Variants in PLXDC2 observed in about 807,000 individuals in gnomAD.
The protein encoded by PLXDC2 is plexin domain-containing protein 2.
PLXDC2 carries 40 observed loss-of-function variants against 68.9 expected under a neutral mutation model. That is an observed-to-expected ratio of 0.58 (90% CI 0.45 to 0.76). The LOEUF is 0.76. Among genes scored for constraint, PLXDC2 ranks in the 30% least tolerant of loss-of-function variants. The pLI is 0.00. For missense variants in PLXDC2, 644 were observed against 661.9 expected, an observed-to-expected ratio of 0.97 and a Z score of 0.30; for synonymous variants, 243 against 234.2, an observed-to-expected ratio of 1.04 and a Z score of -0.34.
intron 13 of PLXDC2, among the ~76,000 whole-genome samples, chr10:20,271,862 A>G (rs546355196): frequency 2.6e-5 from 4 of 152,312 alleles, no homozygotes; most frequent in Non-Finnish European, 4.4e-5. Context: ...GGAAGTGGAT[A>G]TTACGCTGAC....
chr10:19,861,327 G>GC (rs1452731079), intron 1 of PLXDC2, among the ~76,000 whole-genome samples: 1 of 152,052 alleles, frequency 6.6e-6, no homozygotes. Flanking sequence ...GAGCCACCGA[G>GC]CCCAGCGTGC....
intron 1 of PLXDC2, among the ~76,000 whole-genome samples, chr10:19,878,585 T>C (rs1837675466): frequency 6.6e-6 from 1 of 152,224 alleles, no homozygotes; most frequent in Non-Finnish European, 1.5e-5. Flanking sequence ...ACTCCTTTAA[T>C]GTATAATGTG....
chr10:20,117,551 A>T (rs902709811), intron 4 of PLXDC2, among the ~76,000 whole-genome samples: 3 of 152,220 alleles, frequency 2.0e-5, no homozygotes, highest in African/African-American at 7.2e-5. Context: ...GGAAACATGG[A>T]GCCATCCACA....
At chr10:19,892,271 T>C (rs1837978916) in intron 1 of PLXDC2, among the ~76,000 whole-genome samples, 1 of 152,160 alleles carries the variant, frequency 6.6e-6, no homozygotes, top group Admixed American at 6.6e-5. Flanking sequence ...ATTATCTCTG[T>C]GTTAGAGGCG....
At chr10:20,251,117 C>A (rs549346818) in intron 13 of PLXDC2, among the ~76,000 whole-genome samples, 83 of 152,252 alleles carry the variant, frequency 5.5e-4, no homozygotes, top group African/African-American at 1.9e-3. Context: ...CTAAAACATT[C>A]CATTTCTATT....
At chr10:19,985,689 G>GCATT (rs1834624437) in intron 1 of PLXDC2, among the ~76,000 whole-genome samples, 1 of 152,118 alleles carries the variant, frequency 6.6e-6, no homozygotes, top group East Asian at 1.9e-4. Flanking sequence ...CAGAATAAAA[G>GCATT]CATTGTTTGC....
chr10:20,205,518 T>A (rs2131851717), intron 9 of PLXDC2, among the ~76,000 whole-genome samples: 1 of 152,234 alleles, frequency 6.6e-6, no homozygotes, highest in Admixed American at 6.5e-5. Flanking sequence ...TTCTATGATA[T>A]TAGTTCCCAA....
chr10:19,852,049 T>G (rs1837127002), intron 1 of PLXDC2, among the ~76,000 whole-genome samples: 1 of 152,192 alleles, frequency 6.6e-6, no homozygotes. Context: ...TCAGTTTCAC[T>G]TGGGAGTTAC....
chr10:19,991,116 C>T (rs941254391), intron 1 of PLXDC2, among the ~76,000 whole-genome samples: 11 of 151,952 alleles, frequency 7.2e-5, no homozygotes, highest in Non-Finnish European at 1.5e-5. Context: ...CGTGGTAGCA[C>T]GTGCCTGTAA....
chr10:19,953,333 G>A (rs1174154845), intron 1 of PLXDC2, among the ~76,000 whole-genome samples: 1 of 152,160 alleles, frequency 6.6e-6, no homozygotes, highest in Non-Finnish European at 1.5e-5. Context: ...AAGGGAAGTA[G>A]TGACATTTGA....
chr10:20,255,865 A>T (rs1168691035), intron 13 of PLXDC2, among the ~76,000 whole-genome samples: 2 of 152,128 alleles, frequency 1.3e-5, no homozygotes, highest in African/African-American at 4.8e-5. Flanking sequence ...AGATTATTTT[A>T]CTATATGATC....
intron 4 of PLXDC2, among the ~76,000 whole-genome samples, chr10:20,140,124 C>T (rs907828675): frequency 5.3e-5 from 8 of 151,894 alleles, no homozygotes; most frequent in Non-Finnish European, 8.8e-5. Flanking sequence ...CACAGTAAAA[C>T]CCCCTCTCTA....
intron 1 of PLXDC2, among the ~76,000 whole-genome samples, chr10:19,937,405 A>G (rs1177914090): frequency 6.6e-6 from 1 of 151,620 alleles, no homozygotes; most frequent in African/African-American, 2.4e-5. Context: ...TTTACAAGAT[A>G]CCTCTTCATT....
intron 1 of PLXDC2, among the ~76,000 whole-genome samples, chr10:19,955,363 A>G (rs964767647): frequency 1.3e-5 from 2 of 151,828 alleles, no homozygotes; most frequent in African/African-American, 4.8e-5. Flanking sequence ...AAACTGAACT[A>G]TGTTCCTAGA....
chr10:19,893,760 C>A lies in PLXDC2; in HGVS notation c.112+76569C>A, dbSNP rs996109143. 1.6e-4 allele frequency among the ~76,000 whole-genome samples: 25 copies of A among 152,156 alleles called. 1 individual carries two copies. Among genetic ancestry groups the A allele is most frequent in the Non-Finnish European group, 2.9e-5 (2 of 68,030 alleles). ...CATAAGTGAAACAATCCTTTACAGC[C>A]TTTTTACTTTCTCATCAGCATGTCA... is the stretch of plus-strand genomic sequence containing the variant. On this transcript the variant is annotated intron_variant, in intron 1 of 13. Transcript: ENST00000377252.
chr10:20,124,683 G>A (rs1398831005), intron 4 of PLXDC2, among the ~76,000 whole-genome samples: 1 of 151,526 alleles, frequency 6.6e-6, no homozygotes, highest in African/African-American at 2.4e-5. Context: ...TTGGATAGGT[G>A]AAGGAAAAAG....
intron 1 of PLXDC2, among the ~76,000 whole-genome samples, chr10:19,951,491 C>A (rs926623207): frequency 2.6e-5 from 4 of 151,750 alleles, no homozygotes; most frequent in African/African-American, 9.7e-5. Flanking sequence ...ATTTAAAAGT[C>A]AAAAAAACAA....
At chr10:20,134,504 A>G (rs565909371) in intron 4 of PLXDC2, among the ~76,000 whole-genome samples, 15 of 152,262 alleles carry the variant, frequency 9.9e-5, no homozygotes, top group Middle Eastern at 3.4e-3. Context: ...GCCTGGGTCC[A>G]CAGGAGCTAA....
chr10:19,971,643 T>C (rs1834355450), intron 1 of PLXDC2, among the ~76,000 whole-genome samples: 1 of 152,180 alleles, frequency 6.6e-6, no homozygotes, highest in African/African-American at 2.4e-5. Context: ...CATTCTAATA[T>C]TTATTAGGAA....
Sources: gnomAD v4.1 joint callset for allele counts (sites outside exome capture counted in the v4.1 genomes callset) on GRCh38, gnomAD v4.1.1 for gene constraint, MANE v1.5 for transcripts, NCBI Gene and HGNC (gene_info 2026-07-23, HGNC 2026-07-21) for gene names.